Variants in SLC23A2 observed in about 807,000 individuals in gnomAD.
SLC23A2 encodes Na(+)/L-ascorbic acid transporter 2.
SLC23A2 carries 36 observed loss-of-function variants against 73.3 expected under a neutral mutation model. That is an observed-to-expected ratio of 0.49 (90% CI 0.38 to 0.65). The LOEUF (loss-of-function observed/expected upper bound fraction) is 0.65, where lower values mean the gene tolerates loss of function less well. Among genes scored for constraint, SLC23A2 ranks in the 30% least tolerant of loss-of-function variants. SLC23A2 has a pLI of 0.00. For synonymous variants in SLC23A2, 343 were observed against 327.3 expected (o/e 1.05, Z -0.52); for missense variants, 507 against 841.6 (o/e 0.60, Z 4.92).
chr20:4,932,344 A>T, intron 3 of SLC23A2, 111 bp downstream of exon 3: 1 of 732,814 alleles, frequency 1.4e-6, no homozygotes, highest in Non-Finnish European at 2.5e-6. Context: ...TTTGGTTTGC[A>T]AATGCCTTAA....
rs1359822836 is a variant in SLC23A2, at chr20:4,947,981, G to A, written c.-154-15265C>T. Among the ~76,000 whole-genome samples the A allele has an allele frequency of 6.6e-6, 1 of 152,122 alleles. No individual in the cohort carries two copies. Among genetic ancestry groups the A allele is most frequent in the Non-Finnish European group, 1.5e-5 (1 of 68,020 alleles). ...GAGCCTGGATAACTTCCAGGAGATGGCTGTGCCCTGCTGATTCAGTCCCAC... is the reference window on the plus strand; with the variant it reads ...GAGCCTGGATAACTTCCAGGAGATGACTGTGCCCTGCTGATTCAGTCCCAC... On this transcript the variant is annotated intron_variant, in intron 2 of 16. Coordinates refer to ENST00000338244, the MANE Select transcript of SLC23A2 (RefSeq NM_005116.6). The surrounding 1 kb of genome is among the most constrained non-coding windows in gnomAD (Gnocchi z 4.4).
At chr20:4,860,045 G>C (rs1929895766) in intron 15 of SLC23A2, among the ~76,000 whole-genome samples, 1 of 152,290 alleles carries the variant, frequency 6.6e-6, no homozygotes, top group East Asian at 1.9e-4. Flanking sequence ...AAATGGTGCA[G>C]CCGCCATGAA....
rs1041098014 is a variant in SLC23A2 at position 4,857,487 on chromosome 20, C to T, written c.1721-283G>A. 2.6e-5 allele frequency among the ~76,000 whole-genome samples: 4 copies of T among 152,170 alleles called. No individual in the cohort carries two copies. Among genetic ancestry groups the T allele is most frequent in the African/African-American group, 7.2e-5 (3 of 41,436 alleles). Reference sequence around the variant, plus strand: ...CAATCACCTAATGACCTTCTGACCTCCCTATCCTTCTATGTGACCCATATT... The same window carrying T: ...CAATCACCTAATGACCTTCTGACCTTCCTATCCTTCTATGTGACCCATATT... On this transcript the variant is annotated intron_variant, in intron 16 of 16. Coordinates refer to ENST00000338244, the MANE Select transcript of SLC23A2 (RefSeq NM_005116.6). This position sits in a 1 kb window ranked among gnomAD's most constrained non-coding sequence, Gnocchi z 4.0.
At chr20:4,956,564 T>C (rs564037724) in intron 2 of SLC23A2, among the ~76,000 whole-genome samples, 4 of 152,276 alleles carry the variant, frequency 2.6e-5, no homozygotes, top group African/African-American at 9.6e-5. Flanking sequence ...CTTACTCTTG[T>C]AGCAACTTTT....
chr20:4,960,938 ACTAT>A (rs921050186), intron 2 of SLC23A2, among the ~76,000 whole-genome samples: 18 of 152,288 alleles, frequency 1.2e-4, no homozygotes, highest in African/African-American at 4.1e-4. Context: ...TTAACCAAAG[ACTAT>A]CTATCTTTAA....
At chr20:4,942,485 A>G (rs192692270) in intron 2 of SLC23A2, among the ~76,000 whole-genome samples, 2 of 152,308 alleles carry the variant, frequency 1.3e-5, no homozygotes, top group Admixed American at 6.5e-5. Context: ...GTAAAATAAA[A>G]TATTTAGACG....
chr20:4,905,113 C>CAAAAAA (rs56708379), intron 4 of SLC23A2, among the ~76,000 whole-genome samples: 4 of 96,762 alleles, frequency 4.1e-5, no homozygotes, highest in African/African-American at 1.2e-4. Flanking sequence ...GATTCTGTCA[C>CAAAAAA]AAAAAAAAAA....
At chr20:4,931,133 C>T (rs1292156362) in intron 3 of SLC23A2, among the ~76,000 whole-genome samples, 1 of 144,600 alleles carries the variant, frequency 6.9e-6, no homozygotes, top group Non-Finnish European at 1.5e-5. Context: ...CTCAAGCTCT[C>T]AAGTTCAAAA....
intron 11 of SLC23A2, among the ~76,000 whole-genome samples, chr20:4,873,375 C>T (rs993410548): frequency 6.6e-6 from 1 of 152,096 alleles, no homozygotes; most frequent in Non-Finnish European, 1.5e-5. Context: ...AGGTGACACC[C>T]CAGCTAGGGA....
intron 4 of SLC23A2, among the ~76,000 whole-genome samples, chr20:4,909,004 C>T (rs1484165548): frequency 6.6e-6 from 1 of 152,008 alleles, no homozygotes; most frequent in East Asian, 1.9e-4. Flanking sequence ...GCAGTATTTT[C>T]CCTAAATAAA....
chr20:4,997,102 C>T (rs74896160), intron 1 of SLC23A2, among the ~76,000 whole-genome samples: 19 of 152,264 alleles, frequency 1.2e-4, no homozygotes, highest in African/African-American at 4.1e-4. Context: ...CTCAACCTCA[C>T]CTTGAAATCC....
At chr20:4,944,206 A>G (rs1057359335) in intron 2 of SLC23A2, among the ~76,000 whole-genome samples, 5 of 152,172 alleles carry the variant, frequency 3.3e-5, no homozygotes, top group Admixed American at 2.0e-4. Flanking sequence ...TTCTAATCCT[A>G]TAGACCTACC....
chr20:4,890,748 C>T (rs192540468), intron 6 of SLC23A2, among the ~76,000 whole-genome samples: 23 of 152,316 alleles, frequency 1.5e-4, no homozygotes, highest in Admixed American at 5.2e-4. Flanking sequence ...ATCCATCCAT[C>T]GACCTGCTGA....
intron 3 of SLC23A2, among the ~76,000 whole-genome samples, chr20:4,918,895 AAC>A (rs1932412007): frequency 6.6e-6 from 1 of 152,312 alleles, no homozygotes; most frequent in African/African-American, 2.4e-5. Context: ...AAAGAAAGGT[AAC>A]ACACAGTTAT....
chr20:4,995,089 A>C (rs2087996232), intron 1 of SLC23A2, among the ~76,000 whole-genome samples: 2 of 152,180 alleles, frequency 1.3e-5, no homozygotes, highest in African/African-American at 4.8e-5. Flanking sequence ...CAAAATGAAA[A>C]AGCTTATTCA....
intron 2 of SLC23A2, among the ~76,000 whole-genome samples, chr20:4,942,017 T>G (rs2087049983): frequency 6.6e-6 from 1 of 151,882 alleles, no homozygotes; most frequent in South Asian, 2.1e-4. Context: ...CTAACTTAAC[T>G]ACAAAAGATG....
chr20:4,949,784 GTAATCAATC>G (rs1441659661), intron 2 of SLC23A2, among the ~76,000 whole-genome samples: 3 of 152,110 alleles, frequency 2.0e-5, no homozygotes, highest in African/African-American at 7.2e-5. Flanking sequence ...CAAACAGATA[GTAATCAATC>G]TGTATATCCT....
intron 3 of SLC23A2, among the ~76,000 whole-genome samples, chr20:4,919,773 T>G (rs1004527215): frequency 6.6e-6 from 1 of 152,024 alleles, no homozygotes; most frequent in Non-Finnish European, 1.5e-5. Flanking sequence ...AAACGGACCG[T>G]CCTCTCCCAT....
chr20:4,908,786 G>T (rs1176546994), intron 4 of SLC23A2, among the ~76,000 whole-genome samples: 1 of 152,170 alleles, frequency 6.6e-6, no homozygotes, highest in African/African-American at 2.4e-5. Flanking sequence ...AAATTAGCCA[G>T]GTGTGGTGGT....
Sources: gnomAD v4.1 joint callset for allele counts (sites outside exome capture counted in the v4.1 genomes callset) on GRCh38, gnomAD v4.1.1 for gene constraint, Gnocchi (gnomAD v3.1) non-coding constraint, MANE v1.5 for transcripts, NCBI Gene and HGNC (gene_info 2026-07-23, HGNC 2026-07-21) for gene names.